Variants in MCF2L2 observed in about 807,000 individuals in gnomAD.
MCF2L2 encodes MCF.2 cell line derived transforming sequence-like 2, also known as probable guanine nucleotide exchange factor MCF2L2.
Under a neutral mutation model 150.2 loss-of-function variants are expected in MCF2L2, and 102 were observed. The ratio of observed to expected loss-of-function variants is 0.68; its 90% CI spans 0.58 to 0.80. The LOEUF (loss-of-function observed/expected upper bound fraction) is 0.80, where lower values mean the gene tolerates loss of function less well. MCF2L2 is among the 30% of genes least tolerant of loss of function. MCF2L2 has a pLI of 0.00. For synonymous variants in MCF2L2, 465 were observed against 491.3 expected, an observed-to-expected ratio of 0.95 and a Z score of 0.71; for missense variants, 1,256 against 1,372.8, an observed-to-expected ratio of 0.91 and a Z score of 1.34.
chr3:183,232,127 A>C (rs993600284), intron 15 of MCF2L2, among the ~76,000 whole-genome samples: 1 of 152,132 alleles, frequency 6.6e-6, no homozygotes, highest in Non-Finnish European at 1.5e-5. Context: ...AACACAAAGG[A>C]GATTCCCCTT....
chr3:183,423,600 T>A (rs1715996385), intron 1 of MCF2L2, among the ~76,000 whole-genome samples: 1 of 151,772 alleles, frequency 6.6e-6, no homozygotes, highest in Non-Finnish European at 1.5e-5. Flanking sequence ...TATGGGGAGT[T>A]ACTGACGTGG....
chr3:183,359,577 AT>A (rs1712004722), intron 3 of MCF2L2, among the ~76,000 whole-genome samples: 1 of 152,296 alleles, frequency 6.6e-6, no homozygotes, highest in East Asian at 1.9e-4. Flanking sequence ...TATGTCATGT[AT>A]TTTCCCCCAA....
chr3:183,355,953 C>T (rs111811331), intron 3 of MCF2L2, among the ~76,000 whole-genome samples: 1,920 of 152,112 alleles, frequency 0.013, 34 homozygotes, highest in African/African-American at 0.044. Context: ...CTCCCCTCCC[C>T]TTGTGAATAA....
chr3:183,413,039 A>T lies in MCF2L2; in HGVS notation c.76+14863T>A, dbSNP rs532027026. On this transcript the variant is annotated intron_variant, in intron 1 of 29. Transcript: ENST00000328913. ...ATGTATTATATTGATTGATTTTTGG[A>T]TGCTAAACCAACCTTACATTCCTAG... Among the ~76,000 whole-genome samples the T allele has an allele frequency of 2.6e-5, 4 of 152,206 alleles. No homozygotes were observed. In the East Asian group the frequency reaches 5.8e-4, roughly 22 times the overall value.
intron 1 of MCF2L2, among the ~76,000 whole-genome samples, chr3:183,396,404 G>C (rs1447128464): frequency 1.3e-5 from 2 of 152,134 alleles, no homozygotes; most frequent in South Asian, 4.1e-4. Flanking sequence ...CTTTGGTAAT[G>C]ACATAGCCAG....
chr3:183,288,255 A>G (rs2108477109), intron 14 of MCF2L2, among the ~76,000 whole-genome samples: 1 of 152,236 alleles, frequency 6.6e-6, no homozygotes, highest in African/African-American at 2.4e-5. Flanking sequence ...CTGATTCCAA[A>G]CCTTATGCTT....
chr3:183,308,839 C>G (rs1392409968), intron 10 of MCF2L2, among the ~76,000 whole-genome samples: 2 of 152,198 alleles, frequency 1.3e-5, no homozygotes, highest in African/African-American at 2.4e-5. Flanking sequence ...GCCAGAGGCT[C>G]ACACTTTGGC....
In MCF2L2 at chr3:183,179,760, G is replaced by T. The variant is rs1302458238; in HGVS notation, c.3106-68C>A. 33 of 1,392,156 alleles carry T rather than the reference G, an allele frequency of 2.4e-5. 1 individual carries two copies. The highest frequency in any genetic ancestry group is 3.1e-5 in the Non-Finnish European group (31 of 991,548). 86.2% of individuals were successfully genotyped at this position (1,392,156 alleles called of 1,614,324 possible). A position where few individuals can be genotyped will look rare whatever the true frequency, so the allele number is the denominator to read the frequency against. ...AGGCTGTGGCCAGACCGGGCAAGGT[G>T]GTGACTCCCGCTGGCAGGCTGAGGC... On this transcript the variant is annotated intron_variant, in intron 28 of 29. Transcript: ENST00000328913. This position sits in a 1 kb window ranked among gnomAD's most constrained non-coding sequence, Gnocchi z 4.2.
intron 11 of MCF2L2, chr3:183,298,260 T>C (rs984907087): frequency 6.6e-6 from 1 of 152,232 alleles, no homozygotes; most frequent in African/African-American, 2.4e-5. Flanking sequence ...GCCCTTATGC[T>C]ACCTGAAGAG....
At chr3:183,349,555 C>T (rs1328970986) in intron 3 of MCF2L2, among the ~76,000 whole-genome samples, 1 of 152,202 alleles carries the variant, frequency 6.6e-6, no homozygotes, top group Non-Finnish European at 1.5e-5. Flanking sequence ...AACGTGTGAA[C>T]GTCAAACACA....
intron 1 of MCF2L2, among the ~76,000 whole-genome samples, chr3:183,416,921 A>C (rs1389055300): frequency 6.6e-6 from 1 of 151,842 alleles, no homozygotes; most frequent in Non-Finnish European, 1.5e-5. Context: ...CATCCTGGCC[A>C]ACATGGTAAA....
chr3:183,194,557 G>A (rs1722019458), intron 26 of MCF2L2, among the ~76,000 whole-genome samples: 1 of 152,100 alleles, frequency 6.6e-6, no homozygotes, highest in Non-Finnish European at 1.5e-5. Flanking sequence ...GGGCAGCCTT[G>A]TGAAAATAGG....
chr3:183,200,652 C>T (rs1344755919), intron 25 of MCF2L2, among the ~76,000 whole-genome samples: 1 of 152,156 alleles, frequency 6.6e-6, no homozygotes, highest in African/African-American at 2.4e-5. Flanking sequence ...TCAATTTTGG[C>T]TTTTGTTGCC....
intron 20 of MCF2L2, among the ~76,000 whole-genome samples, chr3:183,222,874 C>G (rs1212403324): frequency 6.6e-6 from 1 of 151,990 alleles, no homozygotes; most frequent in African/African-American, 2.4e-5. Context: ...AGAGAGAAAA[C>G]CACTTAGGGG....
chr3:183,288,776 G>A (rs1178719214), intron 14 of MCF2L2, among the ~76,000 whole-genome samples: 3 of 151,918 alleles, frequency 2.0e-5, no homozygotes, highest in South Asian at 2.1e-4. Context: ...CACCGCGCCC[G>A]GCCTGTCATG....
rs569107329 is a variant in MCF2L2, at chr3:183,380,307, T to C, written c.161-896A>G. On this transcript the variant is annotated intron_variant, in intron 2 of 29. Coordinates refer to ENST00000328913, the MANE Select transcript of MCF2L2 (RefSeq NM_015078.4). ...TAAATTCATGGGAGCACTGTGACTG[T>C]TTTAAATTTTTGAGGGAAACACAGT... 6.6e-5 allele frequency among the ~76,000 whole-genome samples: 10 copies of C among 152,272 alleles called. No individual in the cohort carries two copies. The South Asian group carries it at 1.5e-3, about 22-fold the overall frequency.
intron 15 of MCF2L2, among the ~76,000 whole-genome samples, chr3:183,242,163 T>C (rs892544111): frequency 6.6e-5 from 10 of 152,200 alleles, no homozygotes; most frequent in Admixed American, 1.3e-4. Flanking sequence ...TTGGAACTTA[T>C]GCTCAAAAGG....
chr3:183,272,961 AAG>A (rs1726909850), intron 15 of MCF2L2: 25 of 1,447,968 alleles, frequency 1.7e-5, no homozygotes, highest in Non-Finnish European at 2.3e-5. Flanking sequence ...AGAATGGAAC[AAG>A]TTTAAATTTC....
chr3:183,205,056 G>T (rs865932793), intron 25 of MCF2L2, among the ~76,000 whole-genome samples: 1 of 152,174 alleles, frequency 6.6e-6, no homozygotes, highest in African/African-American at 2.4e-5. Flanking sequence ...TATTTTGGAA[G>T]TATAATTAGA....
Sources: gnomAD v4.1 joint callset for allele counts (sites outside exome capture counted in the v4.1 genomes callset) on GRCh38, gnomAD v4.1.1 for gene constraint, Gnocchi (gnomAD v3.1) non-coding constraint, MANE v1.5 for transcripts, NCBI Gene and HGNC (gene_info 2026-07-23, HGNC 2026-07-21) for gene names.